CD99: variants seen among roughly 807,000 people sequenced by gnomAD.
The protein encoded by CD99 is CD99 molecule (Xg blood group).
Under a neutral mutation model 28.4 loss-of-function variants are expected in CD99, and 19 were observed. That is an observed-to-expected ratio of 0.67 (90% CI 0.47 to 0.98). The LOEUF is 0.98. Among genes scored for constraint, CD99 ranks in the 50% least tolerant of loss-of-function variants. The pLI is 0.00. For missense variants in CD99, 283 were observed against 248.8 expected (o/e 1.14, Z -0.92); for synonymous variants, 103 against 92.1 (o/e 1.12, Z -0.67).
intron 4 of CD99, among the ~76,000 whole-genome samples, chrX:2,719,913 T>TA: frequency 6.6e-6 from 1 of 152,328 alleles, no homozygotes; most frequent in East Asian, 1.9e-4. Context: ...TTAAAACTCT[T>TA]ACAGTCTTTG....
chrX:2,695,075 T>G (rs1368803946), intron 1 of CD99, among the ~76,000 whole-genome samples: 1 of 152,222 alleles, frequency 6.6e-6, no homozygotes, highest in Non-Finnish European at 1.5e-5. Flanking sequence ...GTGGACCTTG[T>G]GCTGGTTTTC....
At chrX:2,726,011 C>A (rs1302672683) in intron 7 of CD99, among the ~76,000 whole-genome samples, 1 of 152,192 alleles carries the variant, frequency 6.6e-6, no homozygotes, top group South Asian at 2.1e-4. Context: ...TGTCTCTTTT[C>A]TCCTGCTCCA....
intron 2 of CD99, among the ~76,000 whole-genome samples, chrX:2,715,824 C>T (rs2048680398): frequency 6.6e-6 from 1 of 152,098 alleles, no homozygotes; most frequent in Non-Finnish European, 1.5e-5. Flanking sequence ...CTGGTCTCTT[C>T]CCTGTGTCTC....
chrX:2,704,167 A>G (rs1316553917), intron 1 of CD99, among the ~76,000 whole-genome samples: 1 of 152,192 alleles, frequency 6.6e-6, no homozygotes, highest in Non-Finnish European at 1.5e-5. Context: ...CCCAGCCCAA[A>G]CATTCACACC....
intron 8 of CD99, 29 bp from the exon 9 acceptor site, chrX:2,738,171 C>T: frequency 3.1e-6 from 5 of 1,603,726 alleles, no homozygotes; most frequent in Non-Finnish European, 4.3e-6. Context: ...TGCACTGAGC[C>T]TCTCTGTGTA....
chrX:2,732,272 CG>C (rs1383487953), intron 8 of CD99, among the ~76,000 whole-genome samples: 1 of 152,050 alleles, frequency 6.6e-6, no homozygotes, highest in Non-Finnish European at 1.5e-5. Flanking sequence ...ACTAACCACA[CG>C]GAGCCTGACC....
At chrX:2,698,117 C>T (rs1403449267) in intron 1 of CD99, among the ~76,000 whole-genome samples, 2 of 152,026 alleles carry the variant, frequency 1.3e-5, no homozygotes, top group South Asian at 2.1e-4. Flanking sequence ...ACCACAAGCC[C>T]CTAGACACTC....
intron 8 of CD99, among the ~76,000 whole-genome samples, chrX:2,728,069 G>A (rs1366912323): frequency 1.3e-5 from 2 of 152,088 alleles, no homozygotes; most frequent in African/African-American, 2.4e-5. Context: ...AACAGCTTTC[G>A]GATCTCAAGA....
In CD99 at chrX:2,712,909, A is replaced by G. The variant is rs750031072; in HGVS notation, c.68-1513A>G. ...CAACTACATGTGTGCACACAAACAC[A>G]TGCATACATGCACCTATGCATATGC... On this transcript the variant is annotated intron_variant, in intron 1 of 9. Coordinates refer to ENST00000381192, the MANE Select transcript of CD99 (RefSeq NM_002414.5). 3.3e-5 allele frequency among the ~76,000 whole-genome samples: 5 copies of G among 152,126 alleles called. No homozygotes were observed. In the South Asian group the frequency reaches 1.0e-3, roughly 32 times the overall value.
chrX:2,723,567 G>A (rs1352484172), intron 7 of CD99: 4 of 638,020 alleles, frequency 6.3e-6, no homozygotes, highest in South Asian at 5.7e-5. Flanking sequence ...GGGTGCCCAC[G>A]TGACGCGGAT....
At chrX:2,740,251 GGT>G (rs2050138222) in intron 9 of CD99, among the ~76,000 whole-genome samples, 1 of 152,166 alleles carries the variant, frequency 6.6e-6, no homozygotes, top group East Asian at 1.9e-4. Flanking sequence ...CCAGTACATT[GGT>G]ATATGTGTGT....
At chrX:2,711,347 A>G (rs1459566277) in intron 1 of CD99, among the ~76,000 whole-genome samples, 2 of 149,088 alleles carry the variant, frequency 1.3e-5, no homozygotes, top group African/African-American at 4.9e-5. Context: ...TAGTGTGTGT[A>G]TACATAGTAT....
chrX:2,709,645 G>A (rs1380477620), intron 1 of CD99, among the ~76,000 whole-genome samples: 2 of 151,922 alleles, frequency 1.3e-5, no homozygotes, highest in South Asian at 2.1e-4. Context: ...ATGAGCACGC[G>A]TATATGAAAT....
chrX:2,736,331 A>G (rs1483028826), intron 8 of CD99, among the ~76,000 whole-genome samples: 4 of 152,052 alleles, frequency 2.6e-5, no homozygotes, highest in African/African-American at 7.2e-5. Context: ...TGAGGGGGAA[A>G]CGCATGGCCA....
intron 8 of CD99, chrX:2,733,281 G>A (rs971673351): frequency 1.3e-5 from 19 of 1,458,626 alleles, no homozygotes; most frequent in South Asian, 7.3e-5. Context: ...GAGCCCCAGC[G>A]CACAGCAAAA....
In CD99 at chrX:2,734,205, TTTTC is replaced by T. The variant is rs201791064; in HGVS notation, c.476-3987_476-3984del. 8.2e-3 allele frequency among the ~76,000 whole-genome samples: 1,247 copies of T among 151,984 alleles called. 24 individuals carry two copies. Among genetic ancestry groups the T allele is most frequent in the African/African-American group, 0.029 (1,186 of 41,528 alleles). ...TTTCTTTCTTTTACTTTTCTTATTT[TTTTC>T]TTTCTTTTCATTTTTTTCTTATTTC... On this transcript the variant is annotated intron_variant, in intron 8 of 9. Coordinates refer to ENST00000381192, the MANE Select transcript of CD99 (RefSeq NM_002414.5).
At chrX:2,720,705 A>G (rs770231698) in intron 5 of CD99, among the ~76,000 whole-genome samples, 4 of 144,994 alleles carry the variant, frequency 2.8e-5, no homozygotes, top group South Asian at 2.2e-4. Flanking sequence ...GCTCACTGCA[A>G]CCTCCACCTA....
At chrX:2,694,111 G>T (rs1243349515) in intron 1 of CD99, among the ~76,000 whole-genome samples, 2 of 152,150 alleles carry the variant, frequency 1.3e-5, no homozygotes, top group Admixed American at 6.5e-5. Flanking sequence ...CACATCCGAT[G>T]CATCCCTGCT....
At chrX:2,720,986 T>G (rs311082) in intron 5 of CD99, among the ~76,000 whole-genome samples, 117,240 of 152,072 alleles carry the variant, frequency 0.77, 45,579 homozygotes, top group African/African-American at 0.83. Flanking sequence ...TTGCATACAA[T>G]AATTTAAATG....
Sources: gnomAD v4.1 joint callset for allele counts (sites outside exome capture counted in the v4.1 genomes callset) on GRCh38, gnomAD v4.1.1 for gene constraint, MANE v1.5 for transcripts, NCBI Gene and HGNC (gene_info 2026-07-23, HGNC 2026-07-21) for gene names.